Variants in WDPCP observed in about 807,000 individuals in gnomAD.
WDPCP encodes the protein WD repeat-containing and planar cell polarity effector protein fritz homolog.
In WDPCP, 71 loss-of-function variants were observed where a neutral mutation model predicts 93.1. The observed-to-expected ratio is 0.76, with a 90% CI of 0.63 to 0.93. The LOEUF (loss-of-function observed/expected upper bound fraction) is 0.93, where lower values mean the gene tolerates loss of function less well. Among genes scored for constraint, WDPCP ranks in the 40% least tolerant of loss-of-function variants. WDPCP has a pLI of 0.00. For missense variants in WDPCP, 844 were observed against 887.4 expected (o/e 0.95, Z 0.62); for synonymous variants, 315 against 315.0 (o/e 1.00, Z 0.00).
intron 13 of WDPCP, among the ~76,000 whole-genome samples, chr2:63,303,683 G>A (rs185359819): frequency 2.9e-4 from 44 of 152,258 alleles, no homozygotes; most frequent in Admixed American, 2.4e-3. Flanking sequence ...GGGGCAACAC[G>A]GTAAAGATTC....
At chr2:63,399,781 G>A (rs1034052788) in intron 10 of WDPCP, among the ~76,000 whole-genome samples, 4 of 151,942 alleles carry the variant, frequency 2.6e-5, no homozygotes, top group African/African-American at 7.3e-5. Flanking sequence ...GGATTATCTC[G>A]TAATAAATGA....
intron 13 of WDPCP, among the ~76,000 whole-genome samples, chr2:63,263,812 T>C (rs888499630): frequency 1.3e-5 from 2 of 152,218 alleles, no homozygotes; most frequent in African/African-American, 2.4e-5. Context: ...AGTCTAAATA[T>C]ACTGAAGAAA....
chr2:63,489,549 G>A (rs991806648), intron 2 of WDPCP, among the ~76,000 whole-genome samples: 1 of 152,052 alleles, frequency 6.6e-6, no homozygotes, highest in Non-Finnish European at 1.5e-5. Context: ...CTGATTCCTA[G>A]GCTAGGGAAA....
intron 2 of WDPCP, among the ~76,000 whole-genome samples, chr2:63,693,320 G>A (rs1157414840): frequency 3.3e-5 from 5 of 152,124 alleles, no homozygotes; most frequent in Non-Finnish European, 7.3e-5. Flanking sequence ...AGAAAACAGT[G>A]CAGAAGATGG....
chr2:63,774,082 A>G (rs1670268839), intron 2 of WDPCP, among the ~76,000 whole-genome samples: 1 of 152,138 alleles, frequency 6.6e-6, no homozygotes, highest in Non-Finnish European at 1.5e-5. Context: ...ACTCTAAGAA[A>G]AATATGCCAT....
At chr2:63,684,411 C>T (rs531592575) in intron 2 of WDPCP, 9 of 821,940 alleles carry the variant, frequency 1.1e-5, no homozygotes, top group South Asian at 5.5e-5. Flanking sequence ...CACCTCAGAT[C>T]GCCCCTACAG....
At chr2:63,370,912 C>A (rs1691322722) in intron 12 of WDPCP, among the ~76,000 whole-genome samples, 1 of 108,726 alleles carries the variant, frequency 9.2e-6, no homozygotes, top group African/African-American at 2.7e-5. Context: ...TTTTAAACTT[C>A]CTTCCTTCTT....
chr2:63,731,267 CAA>C (rs532671655), intron 2 of WDPCP, among the ~76,000 whole-genome samples: 12 of 59,828 alleles, frequency 2.0e-4, no homozygotes, highest in African/African-American at 1.9e-4. Context: ...GAATCCGTCT[CAA>C]AAAAAAAAAA....
At chr2:63,419,981 A>T (rs767585233) in intron 9 of WDPCP, among the ~76,000 whole-genome samples, 1 of 152,224 alleles carries the variant, frequency 6.6e-6, no homozygotes, top group Non-Finnish European at 1.5e-5. Context: ...TTCTTAGCTT[A>T]TCAGCAGAAT....
chr2:63,673,431 T>C (rs1206375958), intron 2 of WDPCP, among the ~76,000 whole-genome samples: 1 of 152,164 alleles, frequency 6.6e-6, no homozygotes, highest in Non-Finnish European at 1.5e-5. Flanking sequence ...TCTCAAATAC[T>C]GCAGTTCTGA....
chr2:63,153,146 C>T, intron 16 of WDPCP: 1 of 600,326 alleles, frequency 1.7e-6, no homozygotes, highest in Admixed American at 3.0e-5. Flanking sequence ...GGCTACCTTG[C>T]ATTACAGTAT....
chr2:63,264,310 T>C (rs1054101364), intron 13 of WDPCP, among the ~76,000 whole-genome samples: 4 of 152,284 alleles, frequency 2.6e-5, no homozygotes, highest in Admixed American at 6.5e-5. Context: ...AACGGAAAGA[T>C]TGGAGATAGC....
intron 3 of WDPCP, among the ~76,000 whole-genome samples, chr2:63,628,544 G>A (rs894140698): frequency 6.6e-6 from 1 of 152,306 alleles, no homozygotes; most frequent in African/African-American, 2.4e-5. Flanking sequence ...TCTTAAAATA[G>A]AGAGGTTTCA....
intron 12 of WDPCP, among the ~76,000 whole-genome samples, chr2:63,326,713 AG>A (rs1364950145): frequency 6.6e-6 from 1 of 151,926 alleles, no homozygotes; most frequent in Non-Finnish European, 1.5e-5. Flanking sequence ...ACAGACAGAA[AG>A]TCAGAGAGAG....
chr2:63,820,970 A>C (rs1375109809), intron 1 of WDPCP, among the ~76,000 whole-genome samples: 2 of 152,184 alleles, frequency 1.3e-5, no homozygotes, highest in Admixed American at 1.3e-4. Flanking sequence ...CCAAATTATG[A>C]GACTATAGCT....
chr2:63,266,697 T>A (rs895865451), intron 13 of WDPCP, among the ~76,000 whole-genome samples: 2 of 152,036 alleles, frequency 1.3e-5, no homozygotes, highest in Non-Finnish European at 2.9e-5. Context: ...TCCCAGCTAC[T>A]CAGGAGGCTG....
At chr2:63,135,227 A>C (rs1331749372) in intron 17 of WDPCP, among the ~76,000 whole-genome samples, 2 of 152,260 alleles carry the variant, frequency 1.3e-5, no homozygotes, top group Non-Finnish European at 2.9e-5. Context: ...TGATGTTTTT[A>C]AGATCTCAGT....
intron 1 of WDPCP, among the ~76,000 whole-genome samples, chr2:63,556,852 G>A (rs753017223): frequency 2.6e-5 from 4 of 152,116 alleles, no homozygotes; most frequent in Admixed American, 2.6e-4. Flanking sequence ...GAAGAGATTG[G>A]GGGCCAATAT....
rs1431086041 is a variant in WDPCP at position 63,293,299 on chromosome 2, C to T, written c.1812+19949G>A. ...AGGGCAGGAAAAGTATAGTTTTGGA[C>T]AAGGCCTGAGAAGACCTTAAGATTC... is the stretch of plus-strand genomic sequence containing the variant. On this transcript the variant is annotated intron_variant, in intron 13 of 17. Coordinates refer to ENST00000272321, the MANE Select transcript of WDPCP (RefSeq NM_015910.7). 5.3e-5 allele frequency among the ~76,000 whole-genome samples: 8 copies of T among 152,248 alleles called. No individual in the cohort carries two copies. In the East Asian group the frequency reaches 9.6e-4, roughly 18 times the overall value.
Sources: allele counts gnomAD v4.1 joint callset (sites outside exome capture counted in the v4.1 genomes callset), GRCh38; gene constraint gnomAD v4.1.1; transcripts MANE v1.5; gene names NCBI Gene and HGNC (gene_info 2026-07-23, HGNC 2026-07-21).